DECR2: variants seen among roughly 807,000 people sequenced by gnomAD.
The protein encoded by DECR2 is peroxisomal 2,4-dienoyl-CoA reductase [(3E)-enoyl-CoA-producing].
DECR2 carries 34 observed loss-of-function variants against 29.2 expected under a neutral mutation model. The ratio of observed to expected loss-of-function variants is 1.16; its 90% CI spans 0.89 to 1.55. DECR2 has a LOEUF of 1.55. DECR2 is among the 40% of genes most tolerant of loss of function. DECR2 has a pLI of 0.00. For synonymous variants in DECR2, 224 were observed against 182.7 expected (o/e 1.23, Z -1.82); for missense variants, 485 against 425.3 (o/e 1.14, Z -1.23).
At position 404,945 on chromosome 16, in the gene DECR2, T is replaced by C. The variant is rs1338975676; in HGVS notation, c.81-11T>C. ...GGGCTCTTTTAAAAGAGCCTCCTTT[T>C]TTATTCTCAGGGACAAAGTGGCCTT... On this transcript the variant is annotated splice_polypyrimidine_tract_variant and intron_variant, in intron 1 of 8. Coordinates refer to ENST00000219481, the MANE Select transcript of DECR2 (RefSeq NM_020664.4). The C allele has an allele frequency of 6.2e-7, 1 of 1,614,016 alleles. No individual in the cohort carries two copies.
chr16:409,972 C>T (rs983810282), intron 4 of DECR2: 9 of 495,954 alleles, frequency 1.8e-5, no homozygotes, highest in African/African-American at 1.3e-4. Context: ...ATTCGATTAT[C>T]TCTGCAACCC....
rs1485497692 is a variant in DECR2, at chr16:412,305, C to T, written c.*416C>T. The T allele has an allele frequency of 6.6e-6, 1 of 152,282 alleles. No homozygotes were observed. The highest frequency in any genetic ancestry group is 1.5e-5 in the Non-Finnish European group (1 of 68,076). 9.4% of individuals were successfully genotyped at this position (152,282 alleles called of 1,614,324 possible). The stretch of plus-strand genomic sequence containing the variant: ...GTGGCCCATGAGCTGGGATGGTCCT[C>T]CAGCTGCCCACAAGGTCCGCCCCTC... On this transcript the variant is annotated 3_prime_UTR_variant, in exon 9 of 9. Coordinates refer to ENST00000219481, the MANE Select transcript of DECR2 (RefSeq NM_020664.4).
intron 2 of DECR2, 104 bp from the exon 3 acceptor site, chr16:406,242 T>C: frequency 7.9e-7 from 1 of 1,268,404 alleles, no homozygotes; most frequent in East Asian, 2.4e-5. Flanking sequence ...GCCTTCAGCC[T>C]GGACTGGTAC....
chr16:403,114 T>C (rs1206547409), intron 1 of DECR2: 4 of 778,488 alleles, frequency 5.1e-6, no homozygotes, highest in Middle Eastern at 6.4e-4. Context: ...TTCTCCTGCC[T>C]CAGCCTCCCA....
intron 4 of DECR2, among the ~76,000 whole-genome samples, chr16:408,111 A>G (rs2363760): frequency 0.69 from 2,389 of 3,438 alleles, 1,150 homozygotes; most frequent in South Asian, 0.83. Context: ...CTGTCTCCGG[A>G]CCTCTGTCTC....
At chr16:405,621 A>C in intron 2 of DECR2, 2 of 1,301,940 alleles carry the variant, frequency 1.5e-6, no homozygotes, top group Non-Finnish European at 2.0e-6. Flanking sequence ...AGAAGAGCCG[A>C]GAAACCAAAG....
intron 4 of DECR2, among the ~76,000 whole-genome samples, chr16:408,599 C>T (rs2054772571): frequency 6.6e-6 from 1 of 151,140 alleles, no homozygotes; most frequent in Non-Finnish European, 1.5e-5. Flanking sequence ...CCTCCACCTT[C>T]TGGGCTCAAG....
rs891733390 is a variant in DECR2 at position 411,388 on chromosome 16, A to G, written c.689A>G (p.Lys230Arg). 2 of 1,610,904 alleles carry G rather than the reference A, an allele frequency of 1.2e-6. No individual in the cohort carries two copies. Among genetic ancestry groups the G allele is most frequent in the African/African-American group, 1.3e-5 (1 of 75,038 alleles). ...LGGPQASLSTKVTASPLQRLG... is the reference protein window; with the variant it reads ...LGGPQASLSTRVTASPLQRLG... ...GGCCCTCAGGCCAGCCTGAGCACCA[A>G]GGTCACTGCCAGCCCGCTGCAGAGG... Residue 230 changes from lysine (K) to arginine (R), a missense_variant, in exon 8 of 9, where the codon AAG (lysine) becomes AGG (arginine). By Grantham distance (26) the Lys-to-Arg change is conservative. Coordinates refer to ENST00000219481, the MANE Select transcript of DECR2 (RefSeq NM_020664.4).
Position 406,442 on chromosome 16 carries a change from G to A in DECR2, c.201+45G>A, listed in dbSNP as rs1271208553. The A allele has an allele frequency of 3.8e-6, 6 of 1,587,746 alleles. No individual in the cohort carries two copies. The African/African-American group carries it at 8.0e-5, about 21-fold the overall frequency. On this transcript the variant is annotated intron_variant, in intron 3 of 8. Coordinates refer to ENST00000219481, the MANE Select transcript of DECR2 (RefSeq NM_020664.4). Reference sequence around the variant, plus strand: ...GGTCCCCTGTTCGGGTGGCTGTGGGGGGGCTGGGGCTGGGCCTGGGCCAGG... The same window carrying A: ...GGTCCCCTGTTCGGGTGGCTGTGGGAGGGCTGGGGCTGGGCCTGGGCCAGG...
At chr16:402,982 AAAAG>A (rs1167293798) in intron 1 of DECR2, 2 of 978,336 alleles carry the variant, frequency 2.0e-6, no homozygotes, top group Non-Finnish European at 2.4e-6. Flanking sequence ...CCATCTCAAA[AAAAG>A]AAAACAAGTT....
intron 1 of DECR2, 39 bp from the exon 2 acceptor site, chr16:404,917 A>G (rs2054706841): frequency 1.2e-6 from 2 of 1,612,254 alleles, no homozygotes; most frequent in Non-Finnish European, 8.5e-7. Context: ...GCCCGGCCCA[A>G]TAGGGCTCTT....
At chr16:408,212 CCTGTCTCCGGGCCT>C (rs1208244886) in intron 4 of DECR2, among the ~76,000 whole-genome samples, 78 of 45,032 alleles carry the variant, frequency 1.7e-3, no homozygotes, top group African/African-American at 3.0e-3. Flanking sequence ...TCTCCGGCCC[CCTGTCTCCGGGCCT>C]CTGTCTCCGG....
chr16:402,332 C>T (rs1013430448), intron 1 of DECR2, among the ~76,000 whole-genome samples: 1 of 152,006 alleles, frequency 6.6e-6, no homozygotes, highest in African/African-American at 2.4e-5. Context: ...GGGGGTGTCA[C>T]CGTGTTGGTC....
chr16:405,954 G>C (rs1283334219), intron 2 of DECR2, among the ~76,000 whole-genome samples: 2 of 152,234 alleles, frequency 1.3e-5, no homozygotes, highest in Non-Finnish European at 2.9e-5. Context: ...CATCCACGTG[G>C]TCAGGAAGGG....
chr16:410,523 TC>T lies in DECR2; in HGVS notation c.462+159del, dbSNP rs2054801878. 13 of 1,366,894 alleles carry T rather than the reference TC, an allele frequency of 9.5e-6. No individual in the cohort carries two copies. The highest frequency in any genetic ancestry group is 6.6e-5 in the South Asian group (5 of 75,528). The allele number at this position is 1,366,894 out of a possible 1,614,324, so 84.7% of individuals were successfully genotyped here. On this transcript the variant is annotated intron_variant, in intron 5 of 8. Coordinates refer to ENST00000219481, the MANE Select transcript of DECR2 (RefSeq NM_020664.4). This position sits in a 1 kb window ranked among gnomAD's most constrained non-coding sequence, Gnocchi z 4.1. ...GGGCCTCCCCCTGACGGCCGCCCGC[TC>T]CCTGCCCTGGGCCTCCCCATGACGG...
intron 3 of DECR2, chr16:406,723 T>G: frequency 1.7e-6 from 1 of 601,074 alleles, no homozygotes. Context: ...TGGTCTCGAA[T>G]TCCTGACCTC....
rs2141800378 is a variant in DECR2 at position 401,909 on chromosome 16, C to T, written c.-55C>T. The T allele has an allele frequency of 6.9e-7, 1 of 1,442,816 alleles. No individual in the cohort carries two copies. The highest frequency in any genetic ancestry group is 9.1e-7 in the Non-Finnish European group (1 of 1,099,290). 89.4% of individuals were successfully genotyped at this position (1,442,816 alleles called of 1,614,324 possible). ...CGAGTTCGCAGCTGCGCGCCGGGTC[C>T]TGGAGGCCGAGGCCGCTCCCGCCCG... On this transcript the variant is annotated 5_prime_UTR_variant, in exon 1 of 9. Transcript: ENST00000219481.
chr16:410,837 G>C lies in DECR2; in HGVS notation c.556+53G>C, dbSNP rs142463074. On this transcript the variant is annotated intron_variant, in intron 6 of 8. Coordinates refer to ENST00000219481, the MANE Select transcript of DECR2 (RefSeq NM_020664.4). The surrounding 1 kb of genome is among the most constrained non-coding windows in gnomAD (Gnocchi z 4.1). The stretch of plus-strand genomic sequence containing the variant: ...TGCCCACGTGGGTCCCCAATGGGCC[G>C]TCTGCTTCCATCCCAGGAGGCCAGC... 4 of 1,513,302 alleles carry C rather than the reference G, an allele frequency of 2.6e-6. No individual in the cohort carries two copies. Among genetic ancestry groups the C allele is most frequent in the Non-Finnish European group, 3.6e-6 (4 of 1,115,454 alleles). 93.7% of individuals were successfully genotyped at this position (1,513,302 alleles called of 1,614,324 possible).
At chr16:408,522 CT>C (rs770893268) in intron 4 of DECR2, among the ~76,000 whole-genome samples, 6,095 of 142,874 alleles carry the variant, frequency 0.043, 341 homozygotes, top group African/African-American at 0.13. Flanking sequence ...AAGTAATAGC[CT>C]TTTTTTTTTT....
Sources: gnomAD v4.1 joint callset for allele counts (sites outside exome capture counted in the v4.1 genomes callset) on GRCh38, gnomAD v4.1.1 for gene constraint, Gnocchi (gnomAD v3.1) non-coding constraint, MANE v1.5 for transcripts, NCBI Gene and HGNC (gene_info 2026-07-23, HGNC 2026-07-21) for gene names.